Variants in NBPF19 observed in about 807,000 individuals in gnomAD.
The protein encoded by NBPF19 is NBPF member 19.
Under a neutral mutation model 45.9 loss-of-function variants are expected in NBPF19, and 30 were observed. The observed-to-expected ratio is 0.65, with a 90% confidence interval of 0.49 to 0.89. The LOEUF (loss-of-function observed/expected upper bound fraction) is 0.89, where lower values mean the gene tolerates loss of function less well. Ranked by LOEUF, NBPF19 falls within the 40% of genes least tolerant of loss-of-function variation. The pLI, the probability that NBPF19 is intolerant of heterozygous loss-of-function variation, is 0.00. For synonymous variants in NBPF19, 183 were observed against 181.2 expected (o/e 1.01, Z -0.08); for missense variants, 495 against 471.8 (o/e 1.05, Z -0.46).
rs1452089530 is a variant in NBPF19 at position 149,554,672 on chromosome 1, G to T, written c.11466G>T (p.Arg3822Ser). 2.5e-6 allele frequency: 4 copies of T among 1,608,206 alleles called. No individual in the cohort carries two copies. Among genetic ancestry groups the T allele is most frequent in the African/African-American group, 1.3e-5 (1 of 74,722 alleles). The stretch of plus-strand genomic sequence containing the variant: ...GCTTCGCCCTTTACTTGGACAATAG[G>T]TTTTTTACTTTGACGGTGACAAGTC... ...HISFALYLDN[R>S]FFTLTVTSLH... is the part of the protein sequence containing the mutation. The change falls in exon 94 of 94, where the codon AGG (arginine) becomes AGT (serine). Residue 3822 changes from arginine (R) to serine (S), a missense_variant. Arg to Ser is a moderately radical substitution (Grantham distance 110, BLOSUM62 -1). This residue lies in a region of NBPF19 where 248 missense variants were observed against 95.4 expected (regional missense o/e 2.60). Transcript: ENST00000651566.
intron 9 of NBPF19, among the ~76,000 whole-genome samples, chr1:149,487,766 G>A (rs1241724602): frequency 1.4e-5 from 2 of 144,066 alleles, no homozygotes; most frequent in East Asian, 2.1e-4. Flanking sequence ...CCAATTGACT[G>A]AGCTCGCTCT....
In NBPF19 at chr1:149,554,511, A is replaced by G; in HGVS notation, c.11305A>G (p.Met3769Val). Reference protein sequence around the residue: ...PPCPRLNSVLMEVEEPEVLQD... With the variant: ...PPCPRLNSVLVEVEEPEVLQD... ...CTTTTCCAGGCTCAACAGCGTGCTG[A>G]TGGAAGTGGAAGAGCCTGAAGTCTT... The change falls in exon 94 of 94, where the codon ATG (methionine) becomes GTG (valine). Residue 3769 changes from methionine (M) to valine (V), a missense_variant. Transcript: ENST00000651566. 2.5e-6 allele frequency: 4 copies of G among 1,607,992 alleles called. No individual in the cohort carries two copies. The highest frequency in any genetic ancestry group is 3.4e-6 in the Non-Finnish European group (4 of 1,176,652).
intron 93 of NBPF19, among the ~76,000 whole-genome samples, 189 bp downstream of exon 93, chr1:149,554,071 C>T (rs1355542428): frequency 1.6e-5 from 2 of 125,400 alleles, no homozygotes; most frequent in South Asian, 6.2e-4. Flanking sequence ...CATTTACTAG[C>T]GTACCATAGG....
intron 9 of NBPF19, among the ~76,000 whole-genome samples, 190 bp from the exon 10 acceptor site, chr1:149,487,823 G>C (rs1192265630): frequency 1.5e-5 from 2 of 135,098 alleles, no homozygotes; most frequent in East Asian, 4.6e-4. Flanking sequence ...GTGTGTGTGT[G>C]TCTTTCTCGT....
At position 149,488,399 on chromosome 1, in the gene NBPF19, A is replaced by G. The variant is rs1480307845; in HGVS notation, c.1213+214A>G. Among the ~76,000 whole-genome samples, 383 of 141,270 alleles carry G rather than the reference A, an allele frequency of 2.7e-3. 8 individuals are homozygous for G. Among genetic ancestry groups the G allele is most frequent in the African/African-American group, 9.1e-3 (338 of 36,960 alleles). 92.7% of individuals were successfully genotyped at this position (141,270 alleles called of 152,430 possible). On this transcript the variant is annotated intron_variant, in intron 10 of 93. Transcript: ENST00000651566. ...GGCTCTCTTCCTAGTCTCAGGCCAT[A>G]CCTGTGGCGCCCTAATCCTACTCTC...
At chr1:149,483,359 C>CT (rs549399108) in intron 7 of NBPF19, among the ~76,000 whole-genome samples, 2 of 101,760 alleles carry the variant, frequency 2.0e-5, no homozygotes, top group Non-Finnish European at 4.1e-5. Context: ...CAACACCTGC[C>CT]TTTTTTTGTT....
At chr1:149,487,257 A>G (rs1274964132) in intron 8 of NBPF19, 75 bp from the exon 9 acceptor site, 12 of 1,044,530 alleles carry the variant, frequency 1.1e-5, no homozygotes, top group Non-Finnish European at 1.8e-5. Flanking sequence ...TCCCTGTGTT[A>G]GGATTGGACA....
chr1:149,479,569 C>G (rs2085048056), intron 4 of NBPF19, among the ~76,000 whole-genome samples: 2 of 148,066 alleles, frequency 1.4e-5, no homozygotes. Flanking sequence ...CTTACGAATG[C>G]TTTTCAAAAT....
At chr1:149,554,352 C>A in intron 93 of NBPF19, 143 bp from the exon 94 acceptor site, 1 of 1,498,822 alleles carries the variant, frequency 6.7e-7, no homozygotes, top group South Asian at 1.2e-5. Flanking sequence ...AACATAAAGG[C>A]AATAAATTTT....
intron 9 of NBPF19, among the ~76,000 whole-genome samples, chr1:149,487,703 T>C (rs2101612144): frequency 6.7e-6 from 1 of 150,046 alleles, no homozygotes; most frequent in South Asian, 2.1e-4. Flanking sequence ...CTGTGTGTCC[T>C]GAGAGCACAA....
intron 17 of NBPF19, among the ~76,000 whole-genome samples, chr1:149,494,060 T>G (rs1469362061): frequency 8.0e-6 from 1 of 124,518 alleles, no homozygotes; most frequent in East Asian, 2.6e-4. Flanking sequence ...TTCATCAGTG[T>G]GTCACCCGGC....
At position 149,554,660 on chromosome 1, in the gene NBPF19, C is replaced by G. The variant is rs1419473611; in HGVS notation, c.11454C>G (p.Tyr3818Ter). 1.6e-5 allele frequency: 25 copies of G among 1,608,170 alleles called. No individual in the cohort carries two copies. The highest frequency in any genetic ancestry group is 2.2e-5 in the East Asian group (1 of 44,868). ...AAGAGCATATCAGCTTCGCCCTTTA[C>G]TTGGACAATAGGTTTTTTACTTTGA... ...FEEEHISFALYLDNRFFTLTV... is the reference protein window; with the variant it reads ...FEEEHISFAL Residue 3818 changes from tyrosine (Y) to a stop codon, truncating the protein, a stop_gained, in exon 94 of 94, where the codon TAC (tyrosine) becomes TAG (stop). Coordinates refer to ENST00000651566, the MANE Select transcript of NBPF19 (RefSeq NM_001351365.2). LOFTEE classifies it low-confidence loss of function (END_TRUNC).
Position 149,556,129 on chromosome 1 carries a change from A to G in NBPF19, c.*1391A>G, listed in dbSNP as rs2087243925. On this transcript the variant is annotated 3_prime_UTR_variant, in exon 94 of 94. Transcript: ENST00000651566. ...CTCTACGCTGCAAAATTTGGGTCTC[A>G]ATTTTTACTGTGCCTTTGTTTTTAC... 6.8e-6 allele frequency: 1 copy of G among 147,892 alleles called. No homozygotes were observed. Among genetic ancestry groups the G allele is most frequent in the Non-Finnish European group, 1.5e-5 (1 of 66,906 alleles). 9.2% of individuals were successfully genotyped at this position (147,892 alleles called of 1,614,324 possible).
intron 10 of NBPF19, 90 bp downstream of exon 10, chr1:149,488,275 GA>G (rs2085738627): frequency 1.8e-6 from 1 of 568,990 alleles, no homozygotes; most frequent in Non-Finnish European, 3.1e-6. Context: ...ACTGAGCTGA[GA>G]GATGTCATTG....
At chr1:149,477,918 G>A (rs2084941501) in intron 2 of NBPF19, 27 bp from the exon 3 acceptor site, 1 of 1,161,656 alleles carries the variant, frequency 8.6e-7, no homozygotes, top group Admixed American at 1.7e-5. Flanking sequence ...GCCTTCCACT[G>A]AGGCAGGCGT....
At chr1:149,492,456 AACTC>A (rs2085873863) in intron 15 of NBPF19, among the ~76,000 whole-genome samples, 1 of 79,110 alleles carries the variant, frequency 1.3e-5, no homozygotes, top group Non-Finnish European at 2.6e-5. Context: ...TGAGGGCACT[AACTC>A]AGAGTGTCCT....
In NBPF19 at chr1:149,554,867, C is replaced by G. The variant is rs2087209450; in HGVS notation, c.*129C>G. 6.6e-7 allele frequency: 1 copy of G among 1,509,106 alleles called. No homozygotes were observed. Among genetic ancestry groups the G allele is most frequent in the South Asian group, 1.3e-5 (1 of 79,090 alleles). The allele number at this position is 1,509,106 out of a possible 1,614,324, so 93.5% of individuals were successfully genotyped here. A position where few individuals can be genotyped will look rare whatever the true frequency, so the allele number is the denominator to read the frequency against. On this transcript the variant is annotated 3_prime_UTR_variant, in exon 94 of 94. Coordinates refer to ENST00000651566, the MANE Select transcript of NBPF19 (RefSeq NM_001351365.2). ...ATGGGTCAGTGGGCATGGCTCTTTT[C>G]CTATTCTCAAACCATGCCAGTGGCA... is the stretch of plus-strand genomic sequence containing the variant.
Position 149,554,538 on chromosome 1 carries a change from C to G in NBPF19, c.11332C>G (p.Gln3778Glu). The change falls in exon 94 of 94, where the codon CAG becomes GAG. Residue 3778 changes from glutamine (Q) to glutamate (E), a missense_variant. Physicochemically the swap from Gln to Glu is conservative, Grantham distance 29. Transcript: ENST00000651566. ...LMEVEEPEVLQDSLDGCYSTP... is the reference protein window; with the variant it reads ...LMEVEEPEVLEDSLDGCYSTP... ...GGAAGTGGAAGAGCCTGAAGTCTTA[C>G]AGGACTCACTGGATGGATGTTATTC... The G allele has an allele frequency of 6.2e-7, 1 of 1,608,246 alleles. No individual in the cohort carries two copies. The highest frequency in any genetic ancestry group is 8.5e-7 in the Non-Finnish European group (1 of 1,176,742).
In NBPF19 at chr1:149,555,128, A is replaced by G. The variant is rs2087216841; in HGVS notation, c.*390A>G. The G allele has an allele frequency of 1.4e-5, 4 of 285,174 alleles. No individual in the cohort carries two copies. The highest frequency in any genetic ancestry group is 3.9e-5 in the South Asian group (1 of 25,672). The allele number at this position is 285,174 out of a possible 1,614,324, so 17.7% of individuals were successfully genotyped here. A position where few individuals can be genotyped will look rare whatever the true frequency, so the allele number is the denominator to read the frequency against. On this transcript the variant is annotated 3_prime_UTR_variant, in exon 94 of 94. Coordinates refer to ENST00000651566, the MANE Select transcript of NBPF19 (RefSeq NM_001351365.2). ...ATCCAAAGGTGTTACCCTGGTTTCA[A>G]TGAACCTAACCTCATTCTTTGTGTC... is the stretch of plus-strand genomic sequence containing the variant.
Sources: allele counts gnomAD v4.1 joint callset (sites outside exome capture counted in the v4.1 genomes callset), GRCh38; gene constraint gnomAD v4.1.1; regional missense constraint gnomAD v4.1.1; transcripts MANE v1.5; gene names NCBI Gene and HGNC (gene_info 2026-07-23, HGNC 2026-07-21).